MBNL1: variants seen among roughly 807,000 people sequenced by gnomAD.
MBNL1 encodes muscleblind-like protein 1.
Under a neutral mutation model 42.2 loss-of-function variants are expected in MBNL1, and 8 were observed. That is an observed-to-expected ratio of 0.19 (90% confidence interval 0.11 to 0.34). The LOEUF is 0.34. Ranked by LOEUF, MBNL1 falls within the 10% of genes least tolerant of loss-of-function variation. The pLI, the probability that MBNL1 is intolerant of heterozygous loss-of-function variation, is 1.00. For synonymous variants in MBNL1, 169 were observed against 173.9 expected (o/e 0.97, Z 0.22); for missense variants, 309 against 495.3 (o/e 0.62, Z 3.57).
chr3:152,386,685 T>C (rs1398893179), intron 2 of MBNL1, among the ~76,000 whole-genome samples: 1 of 152,028 alleles, frequency 6.6e-6, no homozygotes, highest in Non-Finnish European at 1.5e-5. Context: ...TACAGACACT[T>C]AGGGCTTGCA....
chr3:152,412,799 C>G (rs1331652815), intron 2 of MBNL1, among the ~76,000 whole-genome samples: 2 of 152,148 alleles, frequency 1.3e-5, no homozygotes, highest in Admixed American at 6.5e-5. Flanking sequence ...AGGTCTGGTT[C>G]ATGGCCCAGG....
intron 2 of MBNL1, among the ~76,000 whole-genome samples, chr3:152,402,887 G>GA (rs1205849290): frequency 6.6e-6 from 1 of 152,130 alleles, no homozygotes; most frequent in African/African-American, 2.4e-5. Flanking sequence ...GATATAGACT[G>GA]TGGGCATGAG....
At chr3:152,324,550 G>C (rs1370335456) in intron 2 of MBNL1, among the ~76,000 whole-genome samples, 1 of 152,118 alleles carries the variant, frequency 6.6e-6, no homozygotes. Context: ...TTTGGAAATT[G>C]GCAGATGGCA....
At chr3:152,274,524 C>T (rs1475436993) in intron 1 of MBNL1, among the ~76,000 whole-genome samples, 1 of 151,992 alleles carries the variant, frequency 6.6e-6, no homozygotes, top group Non-Finnish European at 1.5e-5. Flanking sequence ...CTGACTTGAC[C>T]CACATACATG....
intron 4 of MBNL1, 94 bp downstream of exon 4, chr3:152,433,014 G>A (rs1560574354): frequency 1.8e-5 from 22 of 1,194,696 alleles, no homozygotes; most frequent in Non-Finnish European, 2.5e-5. Flanking sequence ...CCAAAAAGTT[G>A]TAAAAATTTT....
chr3:152,246,577 TATG>T (rs1361731258), intron 2 of MBNL1, among the ~76,000 whole-genome samples: 3 of 151,822 alleles, frequency 2.0e-5, no homozygotes, highest in African/African-American at 7.2e-5. Flanking sequence ...TCATCATAAA[TATG>T]ATAAATAATT....
intron 2 of MBNL1, among the ~76,000 whole-genome samples, chr3:152,356,856 A>AGTGTGTGTGT (rs59868027): frequency 0.016 from 2,326 of 149,284 alleles, 42 homozygotes; most frequent in African/African-American, 0.045. Flanking sequence ...ATATGTGTGT[A>AGTGTGTGTGT]GTGTGTGTGT....
Position 152,435,555 on chromosome 3 carries a change from G to GT in MBNL1, c.549+2643dup, listed in dbSNP as rs941045993. Among the ~76,000 whole-genome samples the GT allele has an allele frequency of 2.0e-4, 30 of 151,910 alleles. 1 individual carries two copies. Among genetic ancestry groups the GT allele is most frequent in the Admixed American group, 8.5e-4 (13 of 15,254 alleles). ...TTTATTCCATATGAATTTTTAAATAGTTTTTTTTCTAATTCTGTGAAGAAT... is the reference window on the plus strand; with the variant it reads ...TTTATTCCATATGAATTTTTAAATAGTTTTTTTTTCTAATTCTGTGAAGAAT... On this transcript the variant is annotated intron_variant, in intron 4 of 9. Transcript: ENST00000324210.
intron 2 of MBNL1, chr3:152,340,746 A>G: frequency 6.2e-7 from 1 of 1,614,092 alleles, no homozygotes; most frequent in Non-Finnish European, 8.5e-7. Flanking sequence ...ATGGCTGAGA[A>G]GCATCCAGGC....
chr3:152,349,956 G>A (rs994702880), intron 2 of MBNL1, among the ~76,000 whole-genome samples: 8 of 152,106 alleles, frequency 5.3e-5, no homozygotes, highest in Non-Finnish European at 1.2e-4. Flanking sequence ...GGGAGAACAT[G>A]TAATTGGTTT....
chr3:152,312,720 T>C (rs1409742918), intron 2 of MBNL1, among the ~76,000 whole-genome samples: 1 of 152,230 alleles, frequency 6.6e-6, no homozygotes, highest in Non-Finnish European at 1.5e-5. Flanking sequence ...AAGTGACTGG[T>C]GTTCCTTGTC....
chr3:152,367,014 C>G (rs1358286178), intron 2 of MBNL1, among the ~76,000 whole-genome samples: 10 of 152,022 alleles, frequency 6.6e-5, no homozygotes, highest in South Asian at 2.1e-4. Context: ...TCTAAAGGAA[C>G]AATACATTAG....
chr3:152,281,602 T>C (rs1465515515), intron 1 of MBNL1, among the ~76,000 whole-genome samples: 1 of 152,122 alleles, frequency 6.6e-6, no homozygotes, highest in Non-Finnish European at 1.5e-5. Flanking sequence ...CAGCAAAATC[T>C]ACTTTTAGAC....
At chr3:152,366,762 TTTG>T (rs1043636051) in intron 2 of MBNL1, among the ~76,000 whole-genome samples, 1 of 152,178 alleles carries the variant, frequency 6.6e-6, no homozygotes, top group African/African-American at 2.4e-5. Flanking sequence ...CTTTGTTGTT[TTTG>T]TTGTGAAAAT....
chr3:152,252,134 ACCTTCCTTCCTTCCTTCCTT>A (rs139692617), intron 2 of MBNL1, among the ~76,000 whole-genome samples: 1 of 102,836 alleles, frequency 9.7e-6, no homozygotes, highest in Non-Finnish European at 2.0e-5. Context: ...AAACTAACCT[ACCTTCCTTCCTTCCTTCCTT>A]CCTTCCTTCC....
chr3:152,392,970 A>G (rs1185638994), intron 2 of MBNL1, among the ~76,000 whole-genome samples: 4 of 152,172 alleles, frequency 2.6e-5, no homozygotes, highest in Non-Finnish European at 4.4e-5. Context: ...ATGGTGTACA[A>G]TTTGTTGCGT....
chr3:152,381,393 TAAAA>T (rs1418323357), intron 2 of MBNL1, among the ~76,000 whole-genome samples: 1 of 151,910 alleles, frequency 6.6e-6, no homozygotes, highest in African/African-American at 2.4e-5. Context: ...CAAAAAAAAG[TAAAA>T]ACAAACGCTG....
At chr3:152,323,808 C>G (rs1577915155) in intron 2 of MBNL1, among the ~76,000 whole-genome samples, 1 of 152,114 alleles carries the variant, frequency 6.6e-6, no homozygotes, top group East Asian at 1.9e-4. Flanking sequence ...TCTTATGGGA[C>G]CACCATCATA....
intron 2 of MBNL1, among the ~76,000 whole-genome samples, chr3:152,339,536 CTCTTCT>C (rs2092535170): frequency 6.6e-6 from 1 of 151,848 alleles, no homozygotes; most frequent in South Asian, 2.1e-4. Context: ...ATTAAGACAC[CTCTTCT>C]AATATGAGAT....
Sources: gnomAD v4.1 joint callset for allele counts (sites outside exome capture counted in the v4.1 genomes callset) on GRCh38, gnomAD v4.1.1 for gene constraint, MANE v1.5 for transcripts, NCBI Gene and HGNC (gene_info 2026-07-23, HGNC 2026-07-21) for gene names.